The following CD109 variants were observed in gnomAD, a reference collection of about 807,000 sequenced individuals.
CD109 encodes the protein CD109 molecule, also known as CD109 antigen.
A neutral mutation model predicts 165.8 loss-of-function variants in CD109; 149 were observed. That is an observed-to-expected ratio of 0.90 (90% CI 0.79 to 1.03). The LOEUF is 1.03. Among genes scored for constraint, CD109 ranks in the 50% least tolerant of loss-of-function variants. CD109 has a pLI of 0.00. For missense variants in CD109, 1,712 were observed against 1,677.8 expected (o/e 1.02, Z -0.36); for synonymous variants, 585 against 592.1 (o/e 0.99, Z 0.18).
chr6:73,708,257 T>C (rs1351796987), intron 2 of CD109, among the ~76,000 whole-genome samples: 2 of 152,188 alleles, frequency 1.3e-5, no homozygotes, highest in South Asian at 4.2e-4. Flanking sequence ...TGTTTGGTTT[T>C]TTGTCCTTGC....
chr6:73,710,019 T>C (rs1014619985), intron 2 of CD109, among the ~76,000 whole-genome samples: 16 of 152,360 alleles, frequency 1.1e-4, no homozygotes, highest in African/African-American at 3.8e-4. Context: ...GCATTCCCTT[T>C]GAAAACTGGC....
At chr6:73,711,280 C>CT (rs934555808) in intron 2 of CD109, among the ~76,000 whole-genome samples, 28 of 151,120 alleles carry the variant, frequency 1.9e-4, no homozygotes, top group South Asian at 2.1e-4. Context: ...GTTTAACCTG[C>CT]TTTTTTTTAG....
intron 23 of CD109, 122 bp downstream of exon 23, chr6:73,792,924 G>A (rs1775028259): frequency 4.4e-6 from 3 of 687,080 alleles, no homozygotes; most frequent in Non-Finnish European, 7.1e-6. Context: ...TGGGCTACAC[G>A]GTGTTGACAT....
At chr6:73,791,128 CATACATACATAT>C (rs1483155926) in intron 22 of CD109, among the ~76,000 whole-genome samples, 5 of 90,456 alleles carry the variant, frequency 5.5e-5, no homozygotes, top group Non-Finnish European at 1.0e-4. Context: ...CATATATATA[CATACATACATAT>C]ATATATATAT....
intron 10 of CD109, among the ~76,000 whole-genome samples, chr6:73,765,243 G>A (rs1773790365): frequency 6.6e-6 from 1 of 151,974 alleles, no homozygotes; most frequent in African/African-American, 2.4e-5. Flanking sequence ...GCAGGAGGAT[G>A]GCTGTAGCCC....
chr6:73,757,276 T>C (rs1039222036), intron 6 of CD109, among the ~76,000 whole-genome samples: 1 of 152,146 alleles, frequency 6.6e-6, no homozygotes, highest in Non-Finnish European at 1.5e-5. Flanking sequence ...GGGTTTTATT[T>C]AGGCAGTAGA....
At chr6:73,699,666 A>G (rs1183989472) in intron 2 of CD109, among the ~76,000 whole-genome samples, 1 of 152,158 alleles carries the variant, frequency 6.6e-6, no homozygotes, top group Non-Finnish European at 1.5e-5. Flanking sequence ...AGGAAAGTTC[A>G]AGTACTCAAG....
At chr6:73,809,615 A>G (rs528329672) in intron 26 of CD109, among the ~76,000 whole-genome samples, 3 of 152,130 alleles carry the variant, frequency 2.0e-5, no homozygotes, top group South Asian at 4.1e-4. Flanking sequence ...TCCTTTGAGT[A>G]TCATGTCAGT....
the CD109 span, among the ~76,000 whole-genome samples, chr6:73,685,150 C>T: frequency 5.3e-5 from 8 of 152,066 alleles, no homozygotes; most frequent in South Asian, 1.2e-3. Context: ...GATCCACCCG[C>T]CTCAGCCTCC....
At chr6:73,780,231 A>G (rs1051464863) in intron 15 of CD109, among the ~76,000 whole-genome samples, 193 bp from the exon 16 acceptor site, 8 of 152,220 alleles carry the variant, frequency 5.3e-5, no homozygotes, top group African/African-American at 1.9e-4. Flanking sequence ...ACAGAGTAAA[A>G]GTAAGTATAA....
chr6:73,735,297 C>G (rs4708077), intron 4 of CD109, among the ~76,000 whole-genome samples: 48,797 of 152,034 alleles, frequency 0.32, 7,893 homozygotes, highest in Admixed American at 0.36. Context: ...TGTATAGCCA[C>G]TGCTTTTTAT....
intron 29 of CD109, among the ~76,000 whole-genome samples, chr6:73,812,924 G>A (rs60528444): frequency 0.024 from 3,610 of 151,940 alleles, 162 homozygotes; most frequent in African/African-American, 0.082. Flanking sequence ...AGAAACAAAC[G>A]ACCAAACAAA....
chr6:73,790,952 C>G (rs1186383800), intron 22 of CD109, among the ~76,000 whole-genome samples: 1 of 151,730 alleles, frequency 6.6e-6, no homozygotes, highest in Non-Finnish European at 1.5e-5. Flanking sequence ...TTACAAATAA[C>G]TGAAGAAAAC....
intron 5 of CD109, among the ~76,000 whole-genome samples, chr6:73,746,642 T>C (rs1275574159): frequency 6.6e-6 from 1 of 152,152 alleles, no homozygotes; most frequent in Non-Finnish European, 1.5e-5. Context: ...TACTGCATAA[T>C]GTATTTGTAC....
intron 2 of CD109, among the ~76,000 whole-genome samples, chr6:73,722,595 C>G (rs1771998730): frequency 6.6e-6 from 1 of 152,214 alleles, no homozygotes; most frequent in Non-Finnish European, 1.5e-5. Context: ...TTCCTTCTCT[C>G]TCTTTAAAAT....
At position 73,828,230 on chromosome 6, in the gene CD109, AATGTT is replaced by A. The variant is rs915914786; in HGVS notation, c.*4605_*4609del. The A allele has an allele frequency of 7.8e-5, 12 of 154,750 alleles. No homozygotes were observed. Among genetic ancestry groups the A allele is most frequent in the Middle Eastern group, 5.6e-4 (1 of 1,792 alleles). 9.6% of individuals were successfully genotyped at this position (154,750 alleles called of 1,614,324 possible). A position where few individuals can be genotyped will look rare whatever the true frequency, so the allele number is the denominator to read the frequency against. On this transcript the variant is annotated 3_prime_UTR_variant, in exon 33 of 33. Coordinates refer to ENST00000287097, the MANE Select transcript of CD109 (RefSeq NM_133493.5). The stretch of plus-strand genomic sequence containing the variant: ...TGAAAGTTTTAATTTTTAATGTTGT[AATGTT>A]ATGTTATTGTTAATTGTACTTTATT...
At chr6:73,791,132 CATACATATATATATATATATAT>C (rs1208531203) in intron 22 of CD109, among the ~76,000 whole-genome samples, 2 of 46,824 alleles carry the variant, frequency 4.3e-5, no homozygotes, top group African/African-American at 2.4e-4. Flanking sequence ...TATATACATA[CATACATATATATATATATATAT>C]ATATATATAT....
intron 5 of CD109, among the ~76,000 whole-genome samples, chr6:73,749,419 C>T (rs928106591): frequency 6.6e-6 from 1 of 152,096 alleles, no homozygotes; most frequent in Non-Finnish European, 1.5e-5. Flanking sequence ...AGCTGGCTGA[C>T]AGGGCTGTGG....
chr6:73,786,709 G>T (rs1284737085), intron 20 of CD109, among the ~76,000 whole-genome samples: 1 of 152,170 alleles, frequency 6.6e-6, no homozygotes, highest in Non-Finnish European at 1.5e-5. Context: ...TATTATTGAT[G>T]AGACTTGCAA....
Sources: gnomAD v4.1 joint callset for allele counts (sites outside exome capture counted in the v4.1 genomes callset) on GRCh38, gnomAD v4.1.1 for gene constraint, MANE v1.5 for transcripts, NCBI Gene and HGNC (gene_info 2026-07-23, HGNC 2026-07-21) for gene names.